POU6F2: variants seen among roughly 807,000 people sequenced by gnomAD.
The protein encoded by POU6F2 is POU class 6 homeobox 2.
POU6F2 carries 31 observed loss-of-function variants against 71.3 expected under a neutral mutation model. The ratio of observed to expected loss-of-function variants is 0.43; its 90% CI spans 0.33 to 0.59. POU6F2 has a LOEUF of 0.59. Among genes scored for constraint, POU6F2 ranks in the 20% least tolerant of loss-of-function variants. The pLI, the probability that POU6F2 is intolerant of heterozygous loss-of-function variation, is 0.04. For synonymous variants in POU6F2, 347 were observed against 355.7 expected (o/e 0.98, Z 0.27); for missense variants, 783 against 856.8 (o/e 0.91, Z 1.07).
At chr7:39,385,875 G>T (rs988615450) in intron 5 of POU6F2, among the ~76,000 whole-genome samples, 2 of 152,096 alleles carry the variant, frequency 1.3e-5, no homozygotes, top group Admixed American at 6.5e-5. Flanking sequence ...GAGCTTTAAA[G>T]AACCAACTTA....
intron 4 of POU6F2, among the ~76,000 whole-genome samples, chr7:39,220,775 A>G (rs564578031): frequency 1.3e-5 from 2 of 152,194 alleles, no homozygotes; most frequent in East Asian, 3.9e-4. Context: ...GTGATACTAT[A>G]TGGAACATAC....
intron 2 of POU6F2, among the ~76,000 whole-genome samples, chr7:39,195,208 C>G (rs1254321870): frequency 6.6e-6 from 1 of 152,152 alleles, no homozygotes; most frequent in Non-Finnish European, 1.5e-5. Flanking sequence ...CTGGGCAGGT[C>G]CACGGTCTGT....
At chr7:39,081,189 G>C (rs1791111852) in intron 1 of POU6F2, among the ~76,000 whole-genome samples, 2 of 152,312 alleles carry the variant, frequency 1.3e-5, no homozygotes, top group South Asian at 4.1e-4. Context: ...GGTAAAAGTT[G>C]TTAGAATGTG....
intron 1 of POU6F2, among the ~76,000 whole-genome samples, chr7:39,000,346 C>T (rs1788866302): frequency 6.6e-6 from 1 of 152,172 alleles, no homozygotes; most frequent in Non-Finnish European, 1.5e-5. Flanking sequence ...CACTGATTCA[C>T]TTATAAGGCT....
chr7:39,385,405 T>G (rs994965020), intron 5 of POU6F2, among the ~76,000 whole-genome samples: 1 of 152,196 alleles, frequency 6.6e-6, no homozygotes, highest in Admixed American at 6.5e-5. Flanking sequence ...TCTCTGCTCC[T>G]GAGTTGCACA....
intron 2 of POU6F2, among the ~76,000 whole-genome samples, chr7:39,193,159 C>A (rs893801573): frequency 6.6e-6 from 1 of 152,040 alleles, no homozygotes; most frequent in Non-Finnish European, 1.5e-5. Context: ...CTATGGAGAC[C>A]CTAAACTAAG....
At chr7:39,183,461 G>A (rs2128741908) in intron 2 of POU6F2, among the ~76,000 whole-genome samples, 1 of 152,220 alleles carries the variant, frequency 6.6e-6, no homozygotes, top group African/African-American at 2.4e-5. Flanking sequence ...GAGAGAAGGG[G>A]GAGGTGCTAC....
At chr7:38,998,973 C>T (rs1457674187) in intron 1 of POU6F2, among the ~76,000 whole-genome samples, 2 of 151,844 alleles carry the variant, frequency 1.3e-5, no homozygotes, top group African/African-American at 4.8e-5. Flanking sequence ...TGTTGTTAAT[C>T]ACATTAGTTG....
At chr7:38,990,244 A>T (rs573156332) in intron 1 of POU6F2, among the ~76,000 whole-genome samples, 5 of 150,444 alleles carry the variant, frequency 3.3e-5, no homozygotes, top group Admixed American at 1.3e-4. Flanking sequence ...AATTTTGGAA[A>T]ACTTAAAAAA....
chr7:38,991,606 A>G (rs1039566588), intron 1 of POU6F2, among the ~76,000 whole-genome samples: 1 of 152,190 alleles, frequency 6.6e-6, no homozygotes, highest in African/African-American at 2.4e-5. Context: ...GCATGGGTGA[A>G]AAGTATGTTC....
chr7:39,231,965 T>C (rs1218631052), intron 4 of POU6F2, among the ~76,000 whole-genome samples: 1 of 152,216 alleles, frequency 6.6e-6, no homozygotes, highest in Admixed American at 6.5e-5. Flanking sequence ...GATGACTACA[T>C]TGTGTTACGA....
intron 6 of POU6F2, among the ~76,000 whole-genome samples, chr7:39,409,156 G>A (rs1015368421): frequency 6.6e-6 from 1 of 152,178 alleles, no homozygotes; most frequent in Non-Finnish European, 1.5e-5. Context: ...AATCTGCATA[G>A]CACTTTCCCA....
At chr7:39,225,246 T>C (rs914281889) in intron 4 of POU6F2, among the ~76,000 whole-genome samples, 2 of 152,152 alleles carry the variant, frequency 1.3e-5, no homozygotes, top group Admixed American at 6.6e-5. Flanking sequence ...CCATCTTGGC[T>C]CACTTCAACC....
At chr7:39,356,453 T>C (rs1057008316) in intron 5 of POU6F2, among the ~76,000 whole-genome samples, 1 of 152,216 alleles carries the variant, frequency 6.6e-6, no homozygotes, top group South Asian at 2.1e-4. Flanking sequence ...ACAATCACTT[T>C]CCTGAACTCG....
intron 5 of POU6F2, among the ~76,000 whole-genome samples, chr7:39,405,728 T>C (rs1787409263): frequency 6.6e-6 from 1 of 152,216 alleles, no homozygotes; most frequent in South Asian, 2.1e-4. Context: ...TCAGAAGGCC[T>C]GAAAACCTGT....
chr7:39,011,019 T>G (rs1465779286), intron 1 of POU6F2, among the ~76,000 whole-genome samples: 1 of 137,648 alleles, frequency 7.3e-6, no homozygotes, highest in Non-Finnish European at 1.6e-5. Context: ...GGGTGGAGAG[T>G]TCTGTAGATG....
chr7:39,130,100 A>G (rs1792234502), intron 2 of POU6F2, among the ~76,000 whole-genome samples: 1 of 149,658 alleles, frequency 6.7e-6, no homozygotes, highest in Admixed American at 6.7e-5. Context: ...ATTTCACAGC[A>G]TGCACTTAAG....
intron 1 of POU6F2, among the ~76,000 whole-genome samples, chr7:38,990,662 CT>C (rs899481161): frequency 1.3e-5 from 2 of 152,006 alleles, no homozygotes; most frequent in Non-Finnish European, 2.9e-5. Context: ...TGTTCTTTTT[CT>C]TTTTTTGTCT....
intron 1 of POU6F2, among the ~76,000 whole-genome samples, chr7:38,993,646 A>G (rs10951584): frequency 0.1 from 15,611 of 150,576 alleles, 880 homozygotes; most frequent in East Asian, 0.12. Flanking sequence ...ACACACACAC[A>G]CATCAGTGGT....
Sources: allele counts gnomAD v4.1 joint callset (sites outside exome capture counted in the v4.1 genomes callset), GRCh38; gene constraint gnomAD v4.1.1; transcripts MANE v1.5; gene names NCBI Gene and HGNC (gene_info 2026-07-23, HGNC 2026-07-21).